The following EAF2 variants were observed in gnomAD, a reference collection of about 807,000 sequenced individuals.
EAF2 encodes the protein ELL associated factor 2.
Under a neutral mutation model 29.4 loss-of-function variants are expected in EAF2, and 29 were observed. The ratio of observed to expected loss-of-function variants is 0.99; its 90% confidence interval spans 0.73 to 1.35. The LOEUF (loss-of-function observed/expected upper bound fraction) is 1.35. Ranked by LOEUF, EAF2 falls within the 40% of genes most tolerant of loss-of-function variation. The pLI is 0.00. For synonymous variants in EAF2, 103 were observed against 102.5 expected (o/e 1.00, Z -0.03); for missense variants, 292 against 312.0 (o/e 0.94, Z 0.48).
At chr3:121,871,422 T>C (rs1198858564) in intron 4 of EAF2, among the ~76,000 whole-genome samples, 3 of 152,050 alleles carry the variant, frequency 2.0e-5, no homozygotes, top group African/African-American at 7.2e-5. Flanking sequence ...ATATTCTATA[T>C]ATTGATCTCA....
intron 2 of EAF2, among the ~76,000 whole-genome samples, chr3:121,852,771 ATTAT>A (rs1306397938): frequency 6.6e-6 from 1 of 152,124 alleles, no homozygotes; most frequent in Non-Finnish European, 1.5e-5. Flanking sequence ...GTACTATTTT[ATTAT>A]TTTTGTAATA....
chr3:121,882,937 A>G (rs955098254), intron 5 of EAF2, among the ~76,000 whole-genome samples: 4 of 152,012 alleles, frequency 2.6e-5, no homozygotes, highest in African/African-American at 9.7e-5. Context: ...TGTAACAGAT[A>G]TTTTTAATTC....
chr3:121,884,962 G>A (rs755354029), intron 5 of EAF2, among the ~76,000 whole-genome samples: 6 of 152,062 alleles, frequency 3.9e-5, no homozygotes, highest in African/African-American at 7.2e-5. Flanking sequence ...AAACCTGTAC[G>A]ATCAATGACT....
At chr3:121,850,132 C>T (rs1488751584) in intron 2 of EAF2, among the ~76,000 whole-genome samples, 1 of 151,406 alleles carries the variant, frequency 6.6e-6, no homozygotes, top group Non-Finnish European at 1.5e-5. Flanking sequence ...ATATAGTATG[C>T]TGTTTTATTT....
At chr3:121,876,543 A>G (rs755574370) in intron 5 of EAF2, among the ~76,000 whole-genome samples, 5 of 152,002 alleles carry the variant, frequency 3.3e-5, no homozygotes, top group Non-Finnish European at 5.9e-5. Context: ...AGATGTTTGT[A>G]CATTTGGAAA....
At chr3:121,858,759 A>C (rs1351895027) in intron 4 of EAF2, among the ~76,000 whole-genome samples, 1 of 152,160 alleles carries the variant, frequency 6.6e-6, no homozygotes, top group African/African-American at 2.4e-5. Context: ...CTATGTCCTG[A>C]ATGGTATTGC....
At chr3:121,880,308 AT>A (rs57276792) in intron 5 of EAF2, among the ~76,000 whole-genome samples, 130,745 of 147,858 alleles carry the variant, frequency 0.88, 57,759 homozygotes, top group Admixed American at 0.92. Context: ...ATGCCAGCTA[AT>A]TTTTTTTTTT....
chr3:121,850,249 T>A (rs1377672099), intron 2 of EAF2, among the ~76,000 whole-genome samples: 2 of 151,906 alleles, frequency 1.3e-5, no homozygotes, highest in African/African-American at 2.4e-5. Flanking sequence ...TTATAGTTTA[T>A]TAGTTTTTAA....
intron 1 of EAF2, among the ~76,000 whole-genome samples, chr3:121,843,340 C>T (rs923649526): frequency 1.2e-4 from 18 of 152,100 alleles, no homozygotes; most frequent in Admixed American, 9.8e-4. Flanking sequence ...TTATAATTCC[C>T]TAAATTCCAC....
chr3:121,854,135 GT>G (rs1196048493), intron 2 of EAF2, among the ~76,000 whole-genome samples: 1 of 151,920 alleles, frequency 6.6e-6, no homozygotes, highest in African/African-American at 2.4e-5. Context: ...GACCAACATG[GT>G]GAAACCCCGT....
chr3:121,852,472 C>A lies in EAF2; in HGVS notation c.202-2215C>A, dbSNP rs899835821. Among the ~76,000 whole-genome samples, 3 of 152,150 alleles carry A rather than the reference C, an allele frequency of 2.0e-5. No homozygotes were observed. The East Asian group carries it at 5.8e-4, about 29-fold the overall frequency. The stretch of plus-strand genomic sequence containing the variant: ...CACATCTAACCGTTTTAGAGCTAGC[C>A]CAGACATGTCTTCATCTACGTGTTG... On this transcript the variant is annotated intron_variant, in intron 2 of 5. Transcript: ENST00000273668.
chr3:121,876,698 G>C (rs1002970133), intron 5 of EAF2, among the ~76,000 whole-genome samples: 1 of 151,892 alleles, frequency 6.6e-6, no homozygotes, highest in Non-Finnish European at 1.5e-5. Flanking sequence ...TTTGTAGTGA[G>C]TTATGTATCC....
At chr3:121,848,887 C>A (rs1017496993) in intron 2 of EAF2, among the ~76,000 whole-genome samples, 15 of 149,284 alleles carry the variant, frequency 1.0e-4, no homozygotes, top group African/African-American at 3.7e-4. Context: ...AGCCCCCCCC[C>A]ACACAAAAAA....
chr3:121,844,687 C>T lies in EAF2; in HGVS notation c.201+140C>T, dbSNP rs998265310. ...AGATAAGCAAAAACCATATTTTAAA[C>T]TACTTTAGGCAAAAAAAACTTAAAA... On this transcript the variant is annotated intron_variant, in intron 2 of 5. Transcript: ENST00000273668. 1.1e-5 allele frequency: 5 copies of T among 466,998 alleles called. No individual in the cohort carries two copies. In the South Asian group the frequency reaches 2.1e-4, roughly 20 times the overall value. 28.9% of individuals were successfully genotyped at this position (466,998 alleles called of 1,614,324 possible).
intron 4 of EAF2, among the ~76,000 whole-genome samples, chr3:121,868,253 A>AT (rs1377830519): frequency 4.6e-5 from 7 of 152,324 alleles, no homozygotes; most frequent in African/African-American, 1.7e-4. Context: ...TTAAACATTA[A>AT]TTTTAAAAAG....
intron 1 of EAF2, among the ~76,000 whole-genome samples, chr3:121,840,756 AGATCTC>A (rs1191184774): frequency 7.2e-6 from 1 of 138,134 alleles, no homozygotes; most frequent in Non-Finnish European, 1.5e-5. Context: ...CAGTGAGCCG[AGATCTC>A]GCCACTGCAC....
chr3:121,871,167 T>C (rs980887495), intron 4 of EAF2, among the ~76,000 whole-genome samples: 1 of 151,330 alleles, frequency 6.6e-6, no homozygotes, highest in African/African-American at 2.4e-5. Flanking sequence ...TTGTGGTATA[T>C]TTATATAATA....
At chr3:121,841,045 T>C (rs1281453952) in intron 1 of EAF2, among the ~76,000 whole-genome samples, 2 of 152,158 alleles carry the variant, frequency 1.3e-5, no homozygotes, top group African/African-American at 4.8e-5. Flanking sequence ...TCCAGTAGTT[T>C]AGCTGATTGA....
intron 4 of EAF2, among the ~76,000 whole-genome samples, chr3:121,868,807 A>G (rs1278056692): frequency 6.6e-6 from 1 of 152,214 alleles, no homozygotes; most frequent in Non-Finnish European, 1.5e-5. Flanking sequence ...AGCAACTAAT[A>G]GAACTACTAG....
Sources: allele counts gnomAD v4.1 joint callset (sites outside exome capture counted in the v4.1 genomes callset), GRCh38; gene constraint gnomAD v4.1.1; transcripts MANE v1.5; gene names NCBI Gene and HGNC (gene_info 2026-07-23, HGNC 2026-07-21).